CCDC148: variants seen among roughly 807,000 people sequenced by gnomAD.
CCDC148 encodes coiled-coil domain-containing protein 148.
In CCDC148, 89 loss-of-function variants were observed where a neutral mutation model predicts 85.7. That is an observed-to-expected ratio of 1.04 (90% confidence interval 0.87 to 1.24). The LOEUF is 1.24. CCDC148 is among the 50% of genes most tolerant of loss of function. CCDC148 has a pLI of 0.00. For missense variants in CCDC148, 692 were observed against 671.7 expected (o/e 1.03, Z -0.33); for synonymous variants, 230 against 213.9 (o/e 1.08, Z -0.66).
intron 9 of CCDC148, among the ~76,000 whole-genome samples, chr2:158,293,894 T>C (rs1240540802): frequency 1.3e-5 from 2 of 150,526 alleles, no homozygotes; most frequent in Admixed American, 6.6e-5. Context: ...GTACAAAGAA[T>C]GTGCAACTTC....
At chr2:158,228,882 C>T (rs1443142542) in intron 10 of CCDC148, among the ~76,000 whole-genome samples, 1 of 149,522 alleles carries the variant, frequency 6.7e-6, no homozygotes, top group Non-Finnish European at 1.5e-5. Context: ...CTGGGTGCAG[C>T]ACACCAACAT....
intron 9 of CCDC148, among the ~76,000 whole-genome samples, chr2:158,280,648 A>G (rs1690236679): frequency 6.6e-6 from 1 of 152,236 alleles, no homozygotes; most frequent in South Asian, 2.1e-4. Context: ...TGACCTACAA[A>G]GAGACTTAGA....
intron 1 of CCDC148, among the ~76,000 whole-genome samples, chr2:158,411,844 T>C (rs1686273077): frequency 6.6e-6 from 1 of 152,182 alleles, no homozygotes; most frequent in East Asian, 1.9e-4. Flanking sequence ...GGGAGAGACC[T>C]TCACCTGCAA....
intron 3 of CCDC148, 147 bp from the exon 4 acceptor site, chr2:158,340,827 T>G (rs11899181): frequency 0.12 from 68,813 of 598,098 alleles, 6,446 homozygotes; most frequent in African/African-American, 0.37. Context: ...GGCTTGAGTC[T>G]TTACTAGACA....
chr2:158,420,624 T>C (rs1018074313), intron 1 of CCDC148, among the ~76,000 whole-genome samples: 4 of 152,126 alleles, frequency 2.6e-5, no homozygotes, highest in Non-Finnish European at 5.9e-5. Context: ...TACCAGCCAC[T>C]GCAAAAACAA....
intron 7 of CCDC148, among the ~76,000 whole-genome samples, chr2:158,331,310 A>T (rs570426214): frequency 6.6e-6 from 1 of 152,206 alleles, no homozygotes; most frequent in Non-Finnish European, 1.5e-5. Context: ...CATGTAGTTG[A>T]GCAGTTTTGA....
chr2:158,327,567 C>T (rs1692844426), intron 7 of CCDC148, among the ~76,000 whole-genome samples: 2 of 152,156 alleles, frequency 1.3e-5, no homozygotes, highest in Admixed American at 1.3e-4. Context: ...GCCCAAATCA[C>T]ATCCATTGAC....
chr2:158,226,280 C>G (rs556312915), intron 10 of CCDC148, among the ~76,000 whole-genome samples: 70 of 152,184 alleles, frequency 4.6e-4, no homozygotes, highest in African/African-American at 1.6e-3. Context: ...CTGAAGAGAC[C>G]AATAACAGGC....
At chr2:158,225,611 G>A (rs1687469425) in intron 10 of CCDC148, among the ~76,000 whole-genome samples, 1 of 152,216 alleles carries the variant, frequency 6.6e-6, no homozygotes, top group African/African-American at 2.4e-5. Context: ...CTGTCTGTCA[G>A]ACCACAGTGC....
At chr2:158,324,645 T>C (rs1270981419) in intron 7 of CCDC148, among the ~76,000 whole-genome samples, 64 of 152,190 alleles carry the variant, frequency 4.2e-4, no homozygotes, top group Admixed American at 4.0e-3. Context: ...TTTGATGACA[T>C]GGTGTCAGAC....
chr2:158,250,745 C>T (rs1315958385), intron 10 of CCDC148, 27 bp downstream of exon 10: 12 of 1,517,384 alleles, frequency 7.9e-6, no homozygotes, highest in Non-Finnish European at 1.1e-5. Context: ...TTCATTCACA[C>T]ATTCGTATTG....
At chr2:158,419,202 T>C (rs1290870443) in intron 1 of CCDC148, among the ~76,000 whole-genome samples, 1 of 152,200 alleles carries the variant, frequency 6.6e-6, no homozygotes, top group African/African-American at 2.4e-5. Flanking sequence ...AGCATCAAAA[T>C]AATTCTATTG....
At chr2:158,192,862 GAA>G (rs369190780) in intron 11 of CCDC148, among the ~76,000 whole-genome samples, 7,564 of 130,812 alleles carry the variant, frequency 0.058, 620 homozygotes, top group African/African-American at 0.19. Context: ...GGTCTAAATA[GAA>G]AAAAAAAAAA....
intron 9 of CCDC148, among the ~76,000 whole-genome samples, chr2:158,279,751 G>C (rs560299584): frequency 6.6e-6 from 1 of 151,942 alleles, no homozygotes; most frequent in African/African-American, 2.4e-5. Context: ...GCAGGCCAAC[G>C]TTCAGATTCA....
chr2:158,281,190 T>A (rs1690272967), intron 9 of CCDC148, among the ~76,000 whole-genome samples: 1 of 151,778 alleles, frequency 6.6e-6, no homozygotes, highest in South Asian at 2.1e-4. Flanking sequence ...GATCCAAAAT[T>A]GACACCCTAA....
Position 158,245,982 on chromosome 2 carries a change from G to A in CCDC148, c.1251+4790C>T, listed in dbSNP as rs189793819. 2.3e-3 allele frequency among the ~76,000 whole-genome samples: 356 copies of A among 152,282 alleles called. 2 individuals carry two copies. Among genetic ancestry groups the A allele is most frequent in the African/African-American group, 8.3e-3 (344 of 41,572 alleles). On this transcript the variant is annotated intron_variant, in intron 10 of 13. Coordinates refer to ENST00000283233, the MANE Select transcript of CCDC148 (RefSeq NM_138803.4). ...AGTTTTAAAGCATAGAAGAAAAAGT[G>A]ATTTAAGGAGCTGGGCAACTGCAAG...
intron 9 of CCDC148, among the ~76,000 whole-genome samples, chr2:158,294,616 T>C (rs1214363052): frequency 1.3e-5 from 2 of 151,988 alleles, no homozygotes; most frequent in Non-Finnish European, 2.9e-5. Context: ...TTGAGGTCAG[T>C]AGTTGTAGAC....
At chr2:158,407,400 G>T (rs1171575878) in intron 1 of CCDC148, among the ~76,000 whole-genome samples, 1 of 151,990 alleles carries the variant, frequency 6.6e-6, no homozygotes, top group Non-Finnish European at 1.5e-5. Flanking sequence ...CTATCTCAAG[G>T]TATTTTTCCC....
chr2:158,437,464 G>C (rs1687715185), intron 1 of CCDC148, among the ~76,000 whole-genome samples: 1 of 152,158 alleles, frequency 6.6e-6, no homozygotes. Flanking sequence ...ATTAGGTATT[G>C]ATGGGACATA....
Sources: allele counts gnomAD v4.1 joint callset (sites outside exome capture counted in the v4.1 genomes callset), GRCh38; gene constraint gnomAD v4.1.1; transcripts MANE v1.5; gene names NCBI Gene and HGNC (gene_info 2026-07-23, HGNC 2026-07-21).